AMY2B: variants seen among roughly 807,000 people sequenced by gnomAD.
AMY2B encodes the protein alpha-amylase 2B.
In AMY2B, 63 loss-of-function variants were observed where a neutral mutation model predicts 59.3. That is an observed-to-expected ratio of 1.06 (90% CI 0.87 to 1.31). The LOEUF is 1.31. Ranked by LOEUF, AMY2B falls within the 50% of genes most tolerant of loss-of-function variation. The probability of loss-of-function intolerance (pLI) is 0.00; values close to 1 mark genes in which losing one functional copy is unlikely to be tolerated. For synonymous variants in AMY2B, 180 were observed against 198.1 expected (o/e 0.91, Z 0.77); for missense variants, 635 against 626.7 (o/e 1.01, Z -0.14).
chr1:103,571,154 C>T (rs1237350473), upstream of AMY2B: 8 of 941,216 alleles, frequency 8.5e-6, no homozygotes, highest in Non-Finnish European at 1.1e-5. Flanking sequence ...CCTTTCTTAG[C>T]TTCTGTTGTC....
intron 2 of AMY2B, among the ~76,000 whole-genome samples, chr1:103,572,695 C>A (rs913921567): frequency 6.6e-6 from 1 of 152,114 alleles, no homozygotes; most frequent in African/African-American, 2.4e-5. Flanking sequence ...TATTTGTCTT[C>A]AAAAGCTTAG....
intron 7 of AMY2B, 29 bp downstream of exon 7, chr1:103,575,569 T>C (rs1225061139): frequency 6.2e-7 from 1 of 1,610,314 alleles, no homozygotes; most frequent in Non-Finnish European, 8.5e-7. Context: ...CAAACTATCC[T>C]TTTCTCAAGA....
At chr1:103,565,657 C>G (rs564254421) in intron 2 of AMY2B, 31 of 148,548 alleles carry the variant, frequency 2.1e-4, no homozygotes, top group African/African-American at 7.5e-4. Context: ...TTCTGCAAAC[C>G]CCAGTCAAAC....
rs566919325 is a variant in AMY2B, at chr1:103,555,395, T to A, written c.-207+286T>A. Among the ~76,000 whole-genome samples, 7 of 152,124 alleles carry A rather than the reference T, an allele frequency of 4.6e-5. No individual in the cohort carries two copies. The East Asian group carries it at 7.7e-4, about 17-fold the overall frequency. Reference sequence around the variant, plus strand: ...TACCAAAGCACTTTCACATTTTTTTTATTGTAATCTTGTTTTTTGTAATTA... The same window carrying A: ...TACCAAAGCACTTTCACATTTTTTTAATTGTAATCTTGTTTTTTGTAATTA... On this transcript the variant is annotated intron_variant, in intron 1 of 11. Coordinates refer to the AMY2B transcript ENST00000361355.
In AMY2B at chr1:103,577,487, A is replaced by C; in HGVS notation, c.1102-3A>C. 1 of 1,611,876 alleles carries C rather than the reference A, an allele frequency of 6.2e-7. No individual in the cohort carries two copies. Among genetic ancestry groups the C allele is most frequent in the Non-Finnish European group, 8.5e-7 (1 of 1,179,760 alleles). ...AAATTTGGCTTTTCACCCCCTAATT[A>C]AGGATGTTAATGATTGGGTTGGGCC... On this transcript the variant is annotated splice_polypyrimidine_tract_variant and splice_region_variant and intron_variant, in intron 7 of 9. Transcript: ENST00000684275.
chr1:103,559,704 A>C (rs1651673858), intron 1 of AMY2B, among the ~76,000 whole-genome samples: 1 of 152,202 alleles, frequency 6.6e-6, no homozygotes, highest in Non-Finnish European at 1.5e-5. Flanking sequence ...CAAAAGGCCA[A>C]AAAATGTGAA....
chr1:103,571,276 C>G (rs566570276), upstream of AMY2B: 22 of 719,516 alleles, frequency 3.1e-5, no homozygotes, highest in Middle Eastern at 4.6e-4. Flanking sequence ...ATGCAATTCT[C>G]GATCTTTAAA....
chr1:103,571,996 G>A (rs1652151926), intron 1 of AMY2B, 114 bp from the exon 2 acceptor site: 7 of 1,560,938 alleles, frequency 4.5e-6, no homozygotes, highest in African/African-American at 1.4e-5. Flanking sequence ...ATATTTTCAA[G>A]AGATAGCTGC....
At chr1:103,562,513 CTTTATTT>C (rs1651765303) in intron 1 of AMY2B, among the ~76,000 whole-genome samples, 1 of 152,154 alleles carries the variant, frequency 6.6e-6, no homozygotes, top group African/African-American at 2.4e-5. Context: ...GGAATTAAGA[CTTTATTT>C]TTTAGTAAGA....
intron 3 of AMY2B, 122 bp downstream of exon 3, chr1:103,573,382 G>A (rs1832273): frequency 2.1e-5 from 31 of 1,505,040 alleles, no homozygotes; most frequent in African/African-American, 2.0e-4. Flanking sequence ...CAGGTTAACA[G>A]GTTTGACTAC....
upstream of AMY2B, chr1:103,571,464 T>C: frequency 6.0e-6 from 9 of 1,501,538 alleles, no homozygotes; most frequent in Non-Finnish European, 6.3e-6. Context: ...GTTAGGATTA[T>C]TATTGATAAT....
chr1:103,574,622 C>G (rs1006907530), intron 5 of AMY2B, among the ~76,000 whole-genome samples: 1 of 152,024 alleles, frequency 6.6e-6, no homozygotes, highest in Non-Finnish European at 1.5e-5. Context: ...GAGTTTCCGT[C>G]TAAGTACGAG....
At position 103,579,482 on chromosome 1, in the gene AMY2B, T is replaced by A; in HGVS notation, c.1518T>A (p.His506Gln). 2 of 1,610,670 alleles carry A rather than the reference T, an allele frequency of 1.2e-6. No individual in the cohort carries two copies. Among genetic ancestry groups the A allele is most frequent in the Non-Finnish European group, 1.7e-6 (2 of 1,179,438 alleles). ...NSAEDPFIAIHAESKL is the reference protein window; with the variant it reads ...NSAEDPFIAIQAESKL ...CTGAGGATCCATTTATTGCAATTCA[T>A]GCTGAATCTAAATTATAAAATTTAA... is the stretch of plus-strand genomic sequence containing the variant. The change falls in exon 10 of 10, where the codon CAT (histidine) becomes CAA (glutamine). Residue 506 changes from histidine to glutamine, a missense_variant. Physicochemically the swap from His to Gln is conservative, Grantham distance 24 (BLOSUM62 0). Transcript: ENST00000684275.
In AMY2B at chr1:103,572,117, C is replaced by A; in HGVS notation, c.176C>A (p.Pro59Gln). Residue 59 changes from proline (P) to glutamine (Q), a missense_variant, in exon 2 of 10, where the codon CCA (proline) becomes CAA (glutamine). By Grantham distance (76) the Pro-to-Gln change is moderately conservative. Transcript: ENST00000684275. ...PKGFGGVQVS[P>Q]PNENVAIHNP... ...AGACTGTTTAATTTGTAGGTCTCTC[C>A]ACCAAATGAAAATGTTGCAATTCAC... 3 of 1,611,574 alleles carry A rather than the reference C, an allele frequency of 1.9e-6. No homozygotes were observed. Among genetic ancestry groups the A allele is most frequent in the Non-Finnish European group, 2.5e-6 (3 of 1,179,652 alleles).
At chr1:103,577,414 GT>G (rs1474735635) in intron 7 of AMY2B, 75 bp from the exon 8 acceptor site, 2 of 1,608,596 alleles carry the variant, frequency 1.2e-6, no homozygotes, top group African/African-American at 2.7e-5. Context: ...AACAGGATAG[GT>G]TGGGTTTGGT....
At chr1:103,558,400 A>G (rs1463929059) in intron 1 of AMY2B, among the ~76,000 whole-genome samples, 1 of 152,194 alleles carries the variant, frequency 6.6e-6, no homozygotes, top group African/African-American at 2.4e-5. Context: ...TTTGATTTTC[A>G]TATTTCCATT....
intron 2 of AMY2B, 98 bp downstream of exon 2, chr1:103,572,354 ATTTTT>A: frequency 6.6e-7 from 1 of 1,515,054 alleles, no homozygotes; most frequent in Non-Finnish European, 8.8e-7. Flanking sequence ...TCCATATTTT[ATTTTT>A]TTAATTTTAC....
chr1:103,557,271 C>T (rs1007610132), intron 1 of AMY2B, among the ~76,000 whole-genome samples: 1 of 151,976 alleles, frequency 6.6e-6, no homozygotes, highest in Admixed American at 6.6e-5. Flanking sequence ...AAGAAAAAGC[C>T]AGGATATCAA....
At chr1:103,576,636 G>T (rs1414580238) in intron 7 of AMY2B, among the ~76,000 whole-genome samples, 2 of 151,864 alleles carry the variant, frequency 1.3e-5, no homozygotes, top group African/African-American at 2.4e-5. Context: ...ATTAAAACTG[G>T]TGTCAATTTA....
Sources: gnomAD v4.1 joint callset for allele counts (sites outside exome capture counted in the v4.1 genomes callset) on GRCh38, gnomAD v4.1.1 for gene constraint, MANE v1.5 for transcripts, NCBI Gene and HGNC (gene_info 2026-07-23, HGNC 2026-07-21) for gene names.